SCUBE1: variants seen among roughly 807,000 people sequenced by gnomAD.
The protein encoded by SCUBE1 is signal peptide, CUB domain and EGF like domain containing 1, also known as signal peptide, CUB and EGF-like domain-containing protein 1.
SCUBE1 carries 59 observed loss-of-function variants against 124.4 expected under a neutral mutation model. The ratio of observed to expected loss-of-function variants is 0.47; its 90% CI spans 0.38 to 0.59. The LOEUF is 0.59. SCUBE1 is among the 20% of genes least tolerant of loss of function. The pLI is 0.00. For missense variants in SCUBE1, 1,150 were observed against 1,371.2 expected (o/e 0.84, Z 2.55); for synonymous variants, 545 against 550.9 (o/e 0.99, Z 0.15).
At chr22:43,325,335 C>A (rs185273905) in intron 2 of SCUBE1, among the ~76,000 whole-genome samples, 6 of 150,894 alleles carry the variant, frequency 4.0e-5, no homozygotes, top group East Asian at 3.9e-4. Context: ...CCCAGCTACT[C>A]GGGAGGCTGA....
chr22:43,259,496 C>T (rs1318984719), intron 5 of SCUBE1, among the ~76,000 whole-genome samples: 1 of 152,184 alleles, frequency 6.6e-6, no homozygotes, highest in Non-Finnish European at 1.5e-5. Flanking sequence ...ACAGCTGGTA[C>T]CAGAGGGAAG....
intron 4 of SCUBE1, among the ~76,000 whole-genome samples, chr22:43,277,947 A>C (rs1209264430): frequency 6.6e-6 from 1 of 152,260 alleles, no homozygotes; most frequent in Non-Finnish European, 1.5e-5. Context: ...CCTGCCCTGC[A>C]CCCACAACTC....
rs549570502 is a variant in SCUBE1 at position 43,264,600 on chromosome 22, CT to C, written c.485-1756del. 4.4e-3 allele frequency among the ~76,000 whole-genome samples: 665 copies of C among 152,330 alleles called. 3 individuals carry two copies. The highest frequency in any genetic ancestry group is 0.015 in the African/African-American group (609 of 41,578). ...CAGTGGGTGGTGGCCAGCAAGCCATCTCCCTGACCGTTACTGACAGCTGTTG... is the reference window on the plus strand; with the variant it reads ...CAGTGGGTGGTGGCCAGCAAGCCATCCCCTGACCGTTACTGACAGCTGTTG... On this transcript the variant is annotated intron_variant, in intron 4 of 21. Transcript: ENST00000360835.
At chr22:43,243,663 C>A (rs910181686) in intron 6 of SCUBE1, among the ~76,000 whole-genome samples, 1 of 152,222 alleles carries the variant, frequency 6.6e-6, no homozygotes, top group Non-Finnish European at 1.5e-5. Flanking sequence ...AAGGGACAGG[C>A]GCTATGGAGG....
At chr22:43,270,125 A>G (rs184148983) in intron 4 of SCUBE1, 1 of 152,396 alleles carries the variant, frequency 6.6e-6, no homozygotes, top group Admixed American at 6.5e-5. Flanking sequence ...AGAATTCTAC[A>G]CATAAGTACT....
rs183530924 is a variant in SCUBE1, at chr22:43,277,568, T to C, written c.484+13478A>G. 1.9e-3 allele frequency among the ~76,000 whole-genome samples: 296 copies of C among 152,278 alleles called. 2 individuals carry two copies. The highest frequency in any genetic ancestry group is 6.8e-3 in the African/African-American group (282 of 41,562). Reference sequence around the variant, plus strand: ...AAGTGTCTTTGATCTTAGGAGGCGGTTGGGCCTGGGTGCAAATCTTGGCTT... The same window carrying C: ...AAGTGTCTTTGATCTTAGGAGGCGGCTGGGCCTGGGTGCAAATCTTGGCTT... On this transcript the variant is annotated intron_variant, in intron 4 of 21. Transcript: ENST00000360835.
At chr22:43,218,595 CA>C in intron 14 of SCUBE1, 137 bp from the exon 15 acceptor site, 1 of 861,258 alleles carries the variant, frequency 1.2e-6, no homozygotes, top group Non-Finnish European at 1.8e-6. Context: ...AGTCCTGGGG[CA>C]AGGGGCCACT....
chr22:43,318,853 C>T (rs957519559), intron 3 of SCUBE1, among the ~76,000 whole-genome samples: 1 of 152,164 alleles, frequency 6.6e-6, no homozygotes, highest in Admixed American at 6.5e-5. Context: ...CCTCAGCCTC[C>T]CAAATAGCTG....
At chr22:43,238,516 A>C in intron 7 of SCUBE1, 2 of 584,650 alleles carry the variant, frequency 3.4e-6, no homozygotes, top group Non-Finnish European at 6.1e-6. Context: ...GGGCCCAGGA[A>C]GTCCCACAGT....
At chr22:43,227,086 G>C (rs1415546952) in intron 10 of SCUBE1, among the ~76,000 whole-genome samples, 1 of 152,142 alleles carries the variant, frequency 6.6e-6, no homozygotes, top group Non-Finnish European at 1.5e-5. Context: ...CCCACGGCTG[G>C]GCTGCACATG....
chr22:43,225,603 C>T (rs1049690334), intron 10 of SCUBE1, among the ~76,000 whole-genome samples: 3 of 151,030 alleles, frequency 2.0e-5, no homozygotes, highest in East Asian at 2.0e-4. Context: ...GGTGAAACCT[C>T]GTCTCTATTA....
chr22:43,303,335 A>C (rs948412365), intron 3 of SCUBE1, among the ~76,000 whole-genome samples: 6 of 152,202 alleles, frequency 3.9e-5, no homozygotes, highest in Non-Finnish European at 7.4e-5. Flanking sequence ...CCCTGATCCC[A>C]GCCGCTTGGC....
At chr22:43,263,574 C>A (rs1427527960) in intron 4 of SCUBE1, among the ~76,000 whole-genome samples, 5 of 152,238 alleles carry the variant, frequency 3.3e-5, no homozygotes, top group African/African-American at 9.6e-5. Context: ...TCCCCCGGGA[C>A]ACACCGGCCT....
At chr22:43,215,694 G>A (rs1921778477) in intron 15 of SCUBE1, among the ~76,000 whole-genome samples, 1 of 152,192 alleles carries the variant, frequency 6.6e-6, no homozygotes, top group Non-Finnish European at 1.5e-5. Flanking sequence ...CCTAGAGGAG[G>A]TGAGTTTGGG....
chr22:43,209,550 G>A (rs1921448626), intron 19 of SCUBE1, among the ~76,000 whole-genome samples: 2 of 152,214 alleles, frequency 1.3e-5, no homozygotes, highest in Non-Finnish European at 2.9e-5. Context: ...GGGGGCGGAT[G>A]AGCCAGGAGT....
At position 43,332,242 on chromosome 22, in the gene SCUBE1, T is replaced by G. The variant is rs958040147; in HGVS notation, c.220+6862A>C. Among the ~76,000 whole-genome samples the G allele has an allele frequency of 5.3e-5, 8 of 152,208 alleles. 1 individual carries two copies. The highest frequency in any genetic ancestry group is 1.9e-4 in the East Asian group (1 of 5,174). On this transcript the variant is annotated intron_variant, in intron 2 of 21. Coordinates refer to ENST00000360835, the MANE Select transcript of SCUBE1 (RefSeq NM_173050.5). ...GGCGGAGGTTGCAGTGAGCCGAGAT[T>G]GAGCCACTGAACTCCAGCCTGGTGA...
chr22:43,248,692 T>C (rs955313688), intron 6 of SCUBE1, among the ~76,000 whole-genome samples: 8 of 152,222 alleles, frequency 5.3e-5, no homozygotes, highest in Non-Finnish European at 7.3e-5. Flanking sequence ...TGCCCCCGCT[T>C]TCCTTCAGCC....
At chr22:43,228,055 G>C (rs1295661476) in intron 9 of SCUBE1, among the ~76,000 whole-genome samples, 2 of 152,154 alleles carry the variant, frequency 1.3e-5, no homozygotes, top group Non-Finnish European at 2.9e-5. Context: ...CCAAGTTTTC[G>C]AGAGTCTTTC....
chr22:43,223,258 C>T (rs373457458), intron 10 of SCUBE1, 42 bp from the exon 11 acceptor site: 16 of 1,535,788 alleles, frequency 1.0e-5, no homozygotes, highest in South Asian at 9.0e-5. Context: ...GAGGCCAGGG[C>T]GGAGGCTTCC....
Sources: gnomAD v4.1 joint callset for allele counts (sites outside exome capture counted in the v4.1 genomes callset) on GRCh38, gnomAD v4.1.1 for gene constraint, MANE v1.5 for transcripts, NCBI Gene and HGNC (gene_info 2026-07-23, HGNC 2026-07-21) for gene names.